The following APBB2 variants were observed in gnomAD, a reference collection of about 807,000 sequenced individuals.
APBB2 encodes the protein Fe65-like 1.
In APBB2, 38 loss-of-function variants were observed where a neutral mutation model predicts 82.5. The ratio of observed to expected loss-of-function variants is 0.46; its 90% CI spans 0.36 to 0.60. APBB2 has a LOEUF of 0.60. Among genes scored for constraint, APBB2 ranks in the 20% least tolerant of loss-of-function variants. The pLI is 0.00. For missense variants in APBB2, 772 were observed against 972.3 expected (o/e 0.79, Z 2.74); for synonymous variants, 341 against 368.2 (o/e 0.93, Z 0.85).
intron 1 of APBB2, among the ~76,000 whole-genome samples, chr4:41,190,239 C>CTTTTTTTTT (rs1479369935): frequency 1.8e-5 from 2 of 109,158 alleles, no homozygotes; most frequent in African/African-American, 8.9e-5. Context: ...CCTACATAGG[C>CTTTTTTTTT]TATTTTTTTT....
rs549838157 is a variant in APBB2 at position 41,091,192 on chromosome 4, C to T, written c.-149+9447G>A. ...AATCAGAGTTGTACTAGGCACTCTG[C>T]TATCTTCTCCGGAAAAAGGGGTACC... is the stretch of plus-strand genomic sequence containing the variant. On this transcript the variant is annotated intron_variant, in intron 3 of 17. Coordinates refer to ENST00000508593, the MANE Select transcript of APBB2 (RefSeq NM_004307.2). 2.6e-5 allele frequency among the ~76,000 whole-genome samples: 4 copies of T among 152,316 alleles called. No individual in the cohort carries two copies. In the South Asian group the frequency reaches 6.2e-4, roughly 24 times the overall value.
At chr4:41,158,247 C>T (rs1020906522) in intron 1 of APBB2, among the ~76,000 whole-genome samples, 3 of 152,128 alleles carry the variant, frequency 2.0e-5, no homozygotes. Context: ...ACAGTAAAAG[C>T]ACCTGAATTG....
chr4:40,995,827 TGCCAGCCCTTAA>T (rs2154416058), intron 6 of APBB2, among the ~76,000 whole-genome samples: 1 of 152,192 alleles, frequency 6.6e-6, no homozygotes, highest in Admixed American at 6.5e-5. Context: ...TGAGCCACCG[TGCCAGCCCTTAA>T]ACATTTTTTT....
chr4:41,053,706 C>T (rs1413953348), intron 4 of APBB2, among the ~76,000 whole-genome samples: 2 of 152,066 alleles, frequency 1.3e-5, no homozygotes, highest in African/African-American at 2.4e-5. Context: ...ATAAAAAAGG[C>T]CATAAGGAAG....
intron 7 of APBB2, among the ~76,000 whole-genome samples, chr4:40,944,350 T>C (rs184288248): frequency 6.6e-6 from 1 of 152,362 alleles, no homozygotes; most frequent in African/African-American, 2.4e-5. Context: ...GTTTCTAAAA[T>C]AATGTCACTT....
chr4:40,941,625 TTTTG>T (rs991784697), intron 7 of APBB2, among the ~76,000 whole-genome samples: 7 of 152,118 alleles, frequency 4.6e-5, no homozygotes, highest in Admixed American at 1.3e-4. Context: ...TTGGTGTGTT[TTTTG>T]TTTGTTTGTT....
chr4:40,825,941 C>A lies in APBB2; in HGVS notation c.1762G>T (p.Val588Phe). The change falls in exon 15 of 18, where the codon GTC (valine) becomes TTC (phenylalanine). Residue 588 changes from valine to phenylalanine, a missense_variant. By Grantham distance (50) the Val-to-Phe change is conservative. Coordinates refer to ENST00000508593, the MANE Select transcript of APBB2 (RefSeq NM_004307.2). ...AAGTACTGCACGTGGAACTTCTGGA[C>A]CAGCTCAGTCTTTGGTGTTGGAAAA... ...VDFPTPKTELVQKFHVQYLGM... is the reference protein window; with the variant it reads ...VDFPTPKTELFQKFHVQYLGM... The A allele has an allele frequency of 6.2e-7, 1 of 1,614,140 alleles. No homozygotes were observed. Among genetic ancestry groups the A allele is most frequent in the Middle Eastern group, 1.6e-4 (1 of 6,062 alleles).
At chr4:40,844,559 A>G (rs748722125) in intron 12 of APBB2, among the ~76,000 whole-genome samples, 1 of 152,148 alleles carries the variant, frequency 6.6e-6, no homozygotes, top group Non-Finnish European at 1.5e-5. Flanking sequence ...CCCTCTGCTC[A>G]GGTTTGCTGG....
Position 40,859,165 on chromosome 4 carries a change from A to G in APBB2, c.1530-28588T>C, listed in dbSNP as rs544597978. Among the ~76,000 whole-genome samples the G allele has an allele frequency of 4.6e-5, 7 of 152,264 alleles. No individual in the cohort carries two copies. The East Asian group carries it at 1.2e-3, about 25-fold the overall frequency. Reference sequence around the variant, plus strand: ...TGACAGCTGAGGGTCTGCTGGCAGGAAGTCATGTGTGACAAGTCCTGCCAA... The same window carrying G: ...TGACAGCTGAGGGTCTGCTGGCAGGGAGTCATGTGTGACAAGTCCTGCCAA... On this transcript the variant is annotated intron_variant, in intron 12 of 17. Transcript: ENST00000508593.
In APBB2 at chr4:40,811,570, G is replaced by C. The variant is rs922019811; in HGVS notation, c.*4522C>G. On this transcript the variant is annotated 3_prime_UTR_variant, in exon 18 of 18. Transcript: ENST00000508593. ...GAAAAAAAAAAAAAGCAATATGAGG[G>C]AATTCTAATGAAGGAGAATATTGAT... The C allele has an allele frequency of 6.6e-6, 1 of 150,768 alleles. No individual in the cohort carries two copies. Among genetic ancestry groups the C allele is most frequent in the Non-Finnish European group, 1.5e-5 (1 of 67,760 alleles). 9.3% of individuals were successfully genotyped at this position (150,768 alleles called of 1,614,324 possible). A position where few individuals can be genotyped will look rare whatever the true frequency, so the allele number is the denominator to read the frequency against.
intron 5 of APBB2, among the ~76,000 whole-genome samples, chr4:41,019,852 G>T (rs1810993712): frequency 2.0e-5 from 3 of 152,096 alleles, no homozygotes; most frequent in Admixed American, 2.0e-4. Flanking sequence ...GGCAGAGGCA[G>T]CAGAAAGGAA....
chr4:40,956,924 T>C (rs1791784024), intron 6 of APBB2, among the ~76,000 whole-genome samples: 1 of 152,224 alleles, frequency 6.6e-6, no homozygotes, highest in African/African-American at 2.4e-5. Context: ...CTGCTGGGCT[T>C]ACTCAACTAC....
At chr4:41,108,366 A>T (rs73140443) in intron 2 of APBB2, among the ~76,000 whole-genome samples, 1 of 149,454 alleles carries the variant, frequency 6.7e-6, no homozygotes, top group African/African-American at 2.5e-5. Flanking sequence ...TCCATTTCTT[A>T]AAAAAAAAAG....
intron 1 of APBB2, among the ~76,000 whole-genome samples, chr4:41,186,182 G>T (rs1772843393): frequency 6.6e-6 from 1 of 151,892 alleles, no homozygotes; most frequent in African/African-American, 2.4e-5. Context: ...GCAGCCTCAG[G>T]GTACAAATGC....
At chr4:41,172,482 C>A (rs1768577677) in intron 1 of APBB2, among the ~76,000 whole-genome samples, 1 of 152,226 alleles carries the variant, frequency 6.6e-6, no homozygotes, top group South Asian at 2.1e-4. Flanking sequence ...TCTATAATTA[C>A]TCTTCATAGA....
chr4:40,939,386 G>A (rs1159993060), intron 7 of APBB2, among the ~76,000 whole-genome samples: 1 of 152,152 alleles, frequency 6.6e-6, no homozygotes, highest in Non-Finnish European at 1.5e-5. Context: ...GCCCGAGGGT[G>A]CCCTGCAAAT....
At chr4:41,105,172 G>A (rs1037178929) in intron 2 of APBB2, among the ~76,000 whole-genome samples, 1 of 152,170 alleles carries the variant, frequency 6.6e-6, no homozygotes, top group African/African-American at 2.4e-5. Flanking sequence ...ATACATAGCT[G>A]AATAATAACC....
chr4:40,852,703 C>T (rs1215090653), intron 12 of APBB2, among the ~76,000 whole-genome samples: 17 of 151,808 alleles, frequency 1.1e-4, no homozygotes, highest in African/African-American at 4.1e-4. Flanking sequence ...GGCAGTGGCG[C>T]GATCTCAGCT....
At chr4:40,886,803 G>A (rs1365237773) in intron 12 of APBB2, among the ~76,000 whole-genome samples, 1 of 152,208 alleles carries the variant, frequency 6.6e-6, no homozygotes, top group African/African-American at 2.4e-5. Flanking sequence ...AGCAAAGCAG[G>A]CCAACCTGGG....
Sources: gnomAD v4.1 joint callset for allele counts (sites outside exome capture counted in the v4.1 genomes callset) on GRCh38, gnomAD v4.1.1 for gene constraint, MANE v1.5 for transcripts, NCBI Gene and HGNC (gene_info 2026-07-23, HGNC 2026-07-21) for gene names.